CYP2J2: variants seen among roughly 807,000 people sequenced by gnomAD.
CYP2J2 encodes cytochrome P450 2J2.
In CYP2J2, 41 loss-of-function variants were observed where a neutral mutation model predicts 48.8. The ratio of observed to expected loss-of-function variants is 0.84; its 90% confidence interval spans 0.66 to 1.09. CYP2J2 has a LOEUF of 1.09. Among genes scored for constraint, CYP2J2 ranks in the 50% least tolerant of loss-of-function variants. CYP2J2 has a pLI of 0.00. For missense variants in CYP2J2, 644 were observed against 617.3 expected (o/e 1.04, Z -0.46); for synonymous variants, 221 against 227.1 (o/e 0.97, Z 0.24).
At position 59,916,032 on chromosome 1, in the gene CYP2J2, G is replaced by A; in HGVS notation, c.279C>T (p.Gly93=). 1 of 1,613,996 alleles carries A rather than the reference G, an allele frequency of 6.2e-7. No individual in the cohort carries two copies. Among genetic ancestry groups the A allele is most frequent in the Non-Finnish European group, 8.5e-7 (1 of 1,179,896 alleles). ...LGDISAVLIT[G]LPLIKEALIH... ...TAAGGGCTTCTTTGATTAAGGGCAA[G>A]CCAGTAATAAGAACTGCAGATATGT... is the stretch of plus-strand genomic sequence containing the variant. Residue 93 remains glycine, a synonymous_variant, in exon 2 of 9, where the codon GGC becomes GGT. Transcript: ENST00000371204.
intron 7 of CYP2J2, among the ~76,000 whole-genome samples, chr1:59,902,652 T>C (rs946120003): frequency 8.5e-5 from 13 of 152,200 alleles, no homozygotes; most frequent in African/African-American, 3.1e-4. Context: ...TGACCTCAGG[T>C]GATCCACCCG....
chr1:59,957,006 T>C, the CYP2J2 span, among the ~76,000 whole-genome samples: 1 of 152,212 alleles, frequency 6.6e-6, no homozygotes, highest in African/African-American at 2.4e-5. Context: ...TGGAGGGCGA[T>C]GCTGGCCTAT....
the CYP2J2 span, among the ~76,000 whole-genome samples, chr1:59,956,142 C>G: frequency 6.6e-6 from 1 of 152,024 alleles, no homozygotes; most frequent in Non-Finnish European, 1.5e-5. Flanking sequence ...AATTATAGAA[C>G]AAACGGCAAA....
At chr1:59,904,787 T>G in intron 7 of CYP2J2, 84 bp downstream of exon 7, 1 of 1,185,262 alleles carries the variant, frequency 8.4e-7, no homozygotes, top group African/African-American at 1.5e-5. Flanking sequence ...ATTTAAATGA[T>G]TCCTTAGGAC....
chr1:59,896,981 T>A (rs1171426604), intron 8 of CYP2J2, among the ~76,000 whole-genome samples: 5 of 152,236 alleles, frequency 3.3e-5, no homozygotes, highest in African/African-American at 1.2e-4. Flanking sequence ...TTCGTGGAAA[T>A]GTATGCATGC....
chr1:59,919,778 TC>T lies in CYP2J2; in HGVS notation c.211-3679del, dbSNP rs11572228. On this transcript the variant is annotated intron_variant, in intron 1 of 8. Coordinates refer to ENST00000371204, the MANE Select transcript of CYP2J2 (RefSeq NM_000775.4). ...AGTCCTCTGGGGCCCATGAACTCCTTCCAAGAATAATGGTCTCACAGGTAGT... is the reference window on the plus strand; with the variant it reads ...AGTCCTCTGGGGCCCATGAACTCCTTCAAGAATAATGGTCTCACAGGTAGT... Among the ~76,000 whole-genome samples, 83 of 152,310 alleles carry T rather than the reference TC, an allele frequency of 5.4e-4. 1 individual carries two copies. The South Asian group carries it at 0.013, about 25-fold the overall frequency.
the CYP2J2 span, among the ~76,000 whole-genome samples, chr1:59,949,400 T>C: frequency 2.0e-5 from 3 of 152,352 alleles, no homozygotes; most frequent in East Asian, 5.8e-4. Context: ...AAAATCCTTA[T>C]GTTCCCTTTG....
chr1:59,903,660 A>G (rs1644340149), intron 7 of CYP2J2, among the ~76,000 whole-genome samples: 1 of 152,194 alleles, frequency 6.6e-6, no homozygotes, highest in South Asian at 2.1e-4. Context: ...GTACTCCCTG[A>G]ATCTAAAACA....
the CYP2J2 span, among the ~76,000 whole-genome samples, chr1:59,935,015 C>CATATATATATATATATATAT: frequency 1.9e-4 from 9 of 47,504 alleles, no homozygotes; most frequent in Non-Finnish European, 2.9e-4. Context: ...TATATATATA[C>CATATATATATATATATATAT]ATATATATAT....
chr1:59,959,624 A>G, the CYP2J2 span, among the ~76,000 whole-genome samples: 1 of 136,914 alleles, frequency 7.3e-6, no homozygotes, highest in Non-Finnish European at 1.7e-5. Context: ...TATATGTGAT[A>G]TATATGTGTG....
upstream of CYP2J2, among the ~76,000 whole-genome samples, chr1:59,926,987 A>C (rs1383683875): frequency 6.6e-6 from 1 of 152,184 alleles, no homozygotes; most frequent in African/African-American, 2.4e-5. Context: ...AGCGCCACAG[A>C]CATTTGAGCC....
intron 8 of CYP2J2, 111 bp downstream of exon 8, chr1:59,900,854 T>C (rs560588390): frequency 1.6e-5 from 20 of 1,283,094 alleles, no homozygotes; most frequent in Admixed American, 1.3e-4. Context: ...TGAGTCGCAC[T>C]GGCCAGGCTG....
At chr1:59,901,816 C>T (rs1406049507) in intron 7 of CYP2J2, among the ~76,000 whole-genome samples, 1 of 152,204 alleles carries the variant, frequency 6.6e-6, no homozygotes, top group African/African-American at 2.4e-5. Context: ...AGTTTCCTAA[C>T]TGTGCCCCAA....
At chr1:59,948,693 T>C in the CYP2J2 span, among the ~76,000 whole-genome samples, 2 of 152,228 alleles carry the variant, frequency 1.3e-5, no homozygotes, top group African/African-American at 4.8e-5. Context: ...CATTTGATTA[T>C]TTTTGAAAAC....
the CYP2J2 span, among the ~76,000 whole-genome samples, chr1:59,951,324 C>T: frequency 6.6e-6 from 1 of 152,150 alleles, no homozygotes; most frequent in Non-Finnish European, 1.5e-5. Flanking sequence ...TCCCACATGG[C>T]TTTCAAGGCC....
At chr1:59,935,742 G>A in the CYP2J2 span, among the ~76,000 whole-genome samples, 1 of 152,160 alleles carries the variant, frequency 6.6e-6, no homozygotes, top group African/African-American at 2.4e-5. Context: ...TCATCAGGAT[G>A]TCAGTCTGAT....
chr1:59,940,166 G>A, the CYP2J2 span, among the ~76,000 whole-genome samples: 5 of 152,124 alleles, frequency 3.3e-5, no homozygotes, highest in Non-Finnish European at 4.4e-5. Flanking sequence ...AGCCACCACC[G>A]CTGGGAATTT....
At chr1:59,924,361 A>G (rs11572201) in intron 1 of CYP2J2, among the ~76,000 whole-genome samples, 17,644 of 152,224 alleles carry the variant, frequency 0.12, 1,218 homozygotes, top group Admixed American at 0.17. Context: ...GAAATGAAAA[A>G]AGATAAATGA....
chr1:59,911,905 G>A, intron 3 of CYP2J2, 137 bp from the exon 4 acceptor site: 2 of 916,440 alleles, frequency 2.2e-6, no homozygotes, highest in Non-Finnish European at 3.3e-6. Flanking sequence ...ACCTTACACT[G>A]CATCTGACAT....
Sources: allele counts gnomAD v4.1 joint callset (sites outside exome capture counted in the v4.1 genomes callset), GRCh38; gene constraint gnomAD v4.1.1; transcripts MANE v1.5; gene names NCBI Gene and HGNC (gene_info 2026-07-23, HGNC 2026-07-21).